The following ESRRG variants were observed in gnomAD, a reference collection of about 807,000 sequenced individuals.
The protein encoded by ESRRG is estrogen-related receptor gamma.
A neutral mutation model predicts 44.0 loss-of-function variants in ESRRG; 13 were observed. That is an observed-to-expected ratio of 0.30 (90% CI 0.19 to 0.47). The LOEUF (loss-of-function observed/expected upper bound fraction) is 0.47, where lower values mean the gene tolerates loss of function less well. Ranked by LOEUF, ESRRG falls within the 20% of genes least tolerant of loss-of-function variation. The pLI, the probability that ESRRG is intolerant of heterozygous loss-of-function variation, is 1.00. For synonymous variants in ESRRG, 215 were observed against 214.6 expected, an observed-to-expected ratio of 1.00 and a Z score of -0.02; for missense variants, 395 against 580.6, an observed-to-expected ratio of 0.68 and a Z score of 3.29.
At chr1:216,765,961 C>A (rs1184043443) in intron 2 of ESRRG, among the ~76,000 whole-genome samples, 1 of 152,096 alleles carries the variant, frequency 6.6e-6, no homozygotes, top group Non-Finnish European at 1.5e-5. Context: ...ACTGATGTAA[C>A]TTTTTGTATC....
chr1:217,115,779 T>A (rs1320037791), intron 1 of ESRRG, among the ~76,000 whole-genome samples: 1 of 152,174 alleles, frequency 6.6e-6, no homozygotes, highest in African/African-American at 2.4e-5. Flanking sequence ...TCTGAGGATA[T>A]ATGAAACAGT....
At chr1:216,571,494 C>G (rs1183519920) in intron 3 of ESRRG, among the ~76,000 whole-genome samples, 1 of 152,062 alleles carries the variant, frequency 6.6e-6, no homozygotes, top group Non-Finnish European at 1.5e-5. Flanking sequence ...AAAGTATTAT[C>G]AAATACATTC....
intron 2 of ESRRG, among the ~76,000 whole-genome samples, chr1:216,871,529 G>T (rs1194480576): frequency 6.6e-6 from 1 of 151,940 alleles, no homozygotes; most frequent in African/African-American, 2.4e-5. Context: ...TAGTCTTGAT[G>T]ATTTTTTTCT....
At chr1:216,956,005 T>C (rs2067878416) in intron 1 of ESRRG, among the ~76,000 whole-genome samples, 1 of 152,170 alleles carries the variant, frequency 6.6e-6, no homozygotes, top group Non-Finnish European at 1.5e-5. Context: ...TTACAGGTTG[T>C]CTTTTGACTT....
At chr1:216,736,751 C>G (rs1205749328) in intron 2 of ESRRG, among the ~76,000 whole-genome samples, 1 of 152,102 alleles carries the variant, frequency 6.6e-6, no homozygotes, top group African/African-American at 2.4e-5. Context: ...TGGTTGAAAA[C>G]ACAAATGATT....
At chr1:216,878,892 C>A (rs140694997) in intron 2 of ESRRG, among the ~76,000 whole-genome samples, 2 of 152,088 alleles carry the variant, frequency 1.3e-5, no homozygotes, top group East Asian at 3.9e-4. Context: ...TTCAGATTTA[C>A]GCATCGTATT....
Position 216,507,196 on chromosome 1 carries a change from G to C in ESRRG, c.1133-13C>G. The C allele has an allele frequency of 6.4e-7, 1 of 1,562,886 alleles. No homozygotes were observed. Among genetic ancestry groups the C allele is most frequent in the Non-Finnish European group, 8.7e-7 (1 of 1,150,576 alleles). On this transcript the variant is annotated splice_polypyrimidine_tract_variant and intron_variant, in intron 6 of 6. Transcript: ENST00000408911. Reference sequence around the variant, plus strand: ...ATGTGCATGGAGTCTGTGCAATGAAGCAAAAGATATGAGTAATTATAATAA... The same window carrying C: ...ATGTGCATGGAGTCTGTGCAATGAACCAAAAGATATGAGTAATTATAATAA...
intron 1 of ESRRG, among the ~76,000 whole-genome samples, chr1:216,712,270 A>G (rs371015829): frequency 2.0e-5 from 3 of 152,304 alleles, no homozygotes; most frequent in South Asian, 4.1e-4. Flanking sequence ...CCACTTAGCA[A>G]TGCTATATAA....
intron 2 of ESRRG, among the ~76,000 whole-genome samples, chr1:216,771,323 T>C (rs1487438694): frequency 2.0e-5 from 3 of 152,168 alleles, no homozygotes; most frequent in African/African-American, 7.2e-5. Flanking sequence ...TATAACAGTA[T>C]GTAAAAAATT....
intron 1 of ESRRG, among the ~76,000 whole-genome samples, chr1:217,002,966 T>C (rs1354273692): frequency 1.3e-5 from 2 of 152,152 alleles, no homozygotes; most frequent in Non-Finnish European, 2.9e-5. Context: ...TCCTCAGTAT[T>C]ATTTTAAGCC....
At chr1:216,646,863 T>C (rs1435787267) in intron 3 of ESRRG, among the ~76,000 whole-genome samples, 2 of 152,180 alleles carry the variant, frequency 1.3e-5, no homozygotes, top group East Asian at 3.9e-4. Context: ...CTGGCCTGGC[T>C]AAAGAATATA....
intron 1 of ESRRG, chr1:216,985,665 C>T (rs2074748926): frequency 6.6e-6 from 1 of 152,150 alleles, no homozygotes; most frequent in Non-Finnish European, 1.5e-5. Context: ...TGACACCATT[C>T]ATCAACTACC....
intron 2 of ESRRG, among the ~76,000 whole-genome samples, chr1:216,914,672 C>G (rs1454387731): frequency 6.6e-6 from 1 of 152,182 alleles, no homozygotes; most frequent in African/African-American, 2.4e-5. Flanking sequence ...CCCCTTGATA[C>G]CTCCTCTGCC....
intron 2 of ESRRG, among the ~76,000 whole-genome samples, chr1:216,812,754 T>A (rs1335693026): frequency 1.3e-5 from 2 of 152,212 alleles, no homozygotes; most frequent in East Asian, 3.8e-4. Flanking sequence ...TTCTCATTAC[T>A]ACTGTGATCA....
rs190977026 is a variant in ESRRG at position 216,575,284 on chromosome 1, A to T, written c.590-7186T>A. 2.6e-5 allele frequency among the ~76,000 whole-genome samples: 4 copies of T among 152,242 alleles called. 1 individual carries two copies. In the East Asian group the frequency reaches 7.7e-4, roughly 29 times the overall value. On this transcript the variant is annotated intron_variant, in intron 3 of 6. Coordinates refer to ENST00000408911, the MANE Select transcript of ESRRG (RefSeq NM_001438.4). ...AAGATAATTAAAGAAACCAAACAGT[A>T]GATATTTTCTCTAACTATATTGCCT...
chr1:216,768,843 T>A (rs1171458240), intron 2 of ESRRG, among the ~76,000 whole-genome samples: 1 of 151,974 alleles, frequency 6.6e-6, no homozygotes, highest in Non-Finnish European at 1.5e-5. Context: ...AAGCTCAACC[T>A]CAGAAAAGTG....
intron 2 of ESRRG, among the ~76,000 whole-genome samples, chr1:216,932,127 C>A (rs1376395773): frequency 6.6e-6 from 1 of 152,096 alleles, no homozygotes; most frequent in African/African-American, 2.4e-5. Flanking sequence ...TTGCTTGAAT[C>A]CAGGAGGCAG....
intron 2 of ESRRG, among the ~76,000 whole-genome samples, chr1:216,892,112 A>C (rs2057881123): frequency 6.6e-6 from 1 of 152,112 alleles, no homozygotes; most frequent in African/African-American, 2.4e-5. Context: ...GCTGGTGCTC[A>C]CTTTTAAGCA....
chr1:216,786,279 A>G (rs1225047932), intron 2 of ESRRG, among the ~76,000 whole-genome samples: 1 of 152,136 alleles, frequency 6.6e-6, no homozygotes. Flanking sequence ...AACAGGAGGA[A>G]AACAAAAGCC....
Sources: allele counts gnomAD v4.1 joint callset (sites outside exome capture counted in the v4.1 genomes callset), GRCh38; gene constraint gnomAD v4.1.1; transcripts MANE v1.5; gene names NCBI Gene and HGNC (gene_info 2026-07-23, HGNC 2026-07-21).